GSDMD: variants seen among roughly 807,000 people sequenced by gnomAD.
The protein encoded by GSDMD is gasdermin-D.
GSDMD carries 46 observed loss-of-function variants against 46.7 expected under a neutral mutation model. That is an observed-to-expected ratio of 0.99 (90% CI 0.78 to 1.26). The LOEUF (loss-of-function observed/expected upper bound fraction) is 1.26, where lower values mean the gene tolerates loss of function less well. GSDMD is among the 50% of genes most tolerant of loss of function. The probability of loss-of-function intolerance (pLI) is 0.00; values close to 1 mark genes in which losing one functional copy is unlikely to be tolerated. For missense variants in GSDMD, 649 were observed against 638.8 expected, an observed-to-expected ratio of 1.02 and a Z score of -0.17; for synonymous variants, 307 against 283.1, an observed-to-expected ratio of 1.08 and a Z score of -0.85.
At chr8:143,561,916 C>T in intron 7 of GSDMD, 43 bp from the exon 8 acceptor site, 4 of 1,605,820 alleles carry the variant, frequency 2.5e-6, no homozygotes, top group Non-Finnish European at 3.4e-6. Flanking sequence ...CTTTCCAGGG[C>T]CCTGTAAGCA....
intron 1 of GSDMD, chr8:143,558,799 G>A (rs1001751536): frequency 1.4e-5 from 8 of 588,116 alleles, no homozygotes; most frequent in Non-Finnish European, 1.9e-5. Flanking sequence ...CAGTGGCCCA[G>A]GTGCCCCCTA....
At chr8:143,559,291 C>CCCCCCCCA in intron 1 of GSDMD, 41 bp from the exon 2 acceptor site, 2 of 753,810 alleles carry the variant, frequency 2.7e-6, no homozygotes, top group Non-Finnish European at 2.3e-6. Flanking sequence ...CCCTCCCGCC[C>CCCCCCCCA]GCCCCGAGAG....
chr8:143,557,110 T>G (rs768720354), upstream of GSDMD, among the ~76,000 whole-genome samples: 2 of 152,280 alleles, frequency 1.3e-5, no homozygotes, highest in Non-Finnish European at 2.9e-5. Context: ...TCCGTGTGCC[T>G]GGCTTTTCAC....
chr8:143,561,963 G>C lies in GSDMD; in HGVS notation c.828G>C (p.Gly276=), dbSNP rs747524396. Residue 276 remains glycine, a synonymous_variant, in exon 8 of 11, where the codon GGG becomes GGC. Coordinates refer to ENST00000262580, the MANE Select transcript of GSDMD (RefSeq NM_024736.7). ...CCAGCCCTTCTGTCCCTACAGATGG[G>C]GTCCCTGCGGAGGGGGCGTTCACTG... is the stretch of plus-strand genomic sequence containing the variant. The part of the protein sequence containing the change: ...MRCLHNFLTD[G]VPAEGAFTED... The C allele has an allele frequency of 6.8e-6, 11 of 1,608,640 alleles. No individual in the cohort carries two copies. Among genetic ancestry groups the C allele is most frequent in the African/African-American group, 1.3e-5 (1 of 74,818 alleles).
In GSDMD at chr8:143,562,828, C is replaced by T. The variant is rs754592648; in HGVS notation, c.1379C>T (p.Pro460Leu). The change falls in exon 11 of 11, where the codon CCG (proline) becomes CTG (leucine). Residue 460 changes from proline (P) to leucine (L), a missense_variant. Coordinates refer to ENST00000262580, the MANE Select transcript of GSDMD (RefSeq NM_024736.7). Reference protein sequence around the residue: ...GEDTPHVCWEPQAQGRMCALY... With the variant: ...GEDTPHVCWELQAQGRMCALY... ...GACACTCCCCACGTGTGCTGGGAGC[C>T]GCAGGCCCAGGGCCGCATGTGTGCA... is the stretch of plus-strand genomic sequence containing the variant. 1.6e-5 allele frequency: 26 copies of T among 1,609,856 alleles called. 1 individual carries two copies. In the South Asian group the frequency reaches 1.9e-4, roughly 12 times the overall value.
At chr8:143,557,399 ACGACAGC>A (rs1563902830), upstream of GSDMD, among the ~76,000 whole-genome samples, 14 of 135,884 alleles carry the variant, frequency 1.0e-4, no homozygotes, top group East Asian at 2.1e-4. Flanking sequence ...TGCCGCTGTG[ACGACAGC>A]TGCTGCCGCT....
chr8:143,556,026 A>T (rs1204558581), upstream of GSDMD: 1 of 152,292 alleles, frequency 6.6e-6, no homozygotes, highest in Non-Finnish European at 1.5e-5. Context: ...AGCCTGGCCA[A>T]CATGGTAAAA....
intron 1 of GSDMD, chr8:143,559,003 A>C: frequency 4.8e-6 from 2 of 413,580 alleles, no homozygotes; most frequent in Non-Finnish European, 4.4e-6. Context: ...CACGCTCAGG[A>C]GGTGACAGCT....
chr8:143,556,711 G>A (rs1305213627), upstream of GSDMD, among the ~76,000 whole-genome samples: 2 of 152,252 alleles, frequency 1.3e-5, no homozygotes, highest in African/African-American at 2.4e-5. Flanking sequence ...CCGGGTGGGA[G>A]GACTACCGTG....
upstream of GSDMD, among the ~76,000 whole-genome samples, chr8:143,557,319 AGGATGCTGCCGCTATGGTGAAG>A (rs1341137907): frequency 5.6e-3 from 210 of 37,748 alleles, 1 homozygote; most frequent in African/African-American, 0.019. Flanking sequence ...GCTATGGCGA[AGGATGCTGCCGCTATGGTGAAG>A]GATGCTGCCG....
chr8:143,559,280 T>TAACCAC, intron 1 of GSDMD, 52 bp from the exon 2 acceptor site: 1 of 579,430 alleles, frequency 1.7e-6, no homozygotes, highest in Admixed American at 2.7e-5. Context: ...CTTCTCCCAC[T>TAACCAC]CCCTCCCGCC....
In GSDMD at chr8:143,558,367, G is replaced by A. The variant is rs1396317648; in HGVS notation, c.-89G>A. The stretch of plus-strand genomic sequence containing the variant: ...GGTTGCAGTTTCACTTTTAGCTCTG[G>A]GCACCTCCAGCTCCTGCTCGCCGGA... On this transcript the variant is annotated 5_prime_UTR_variant, in exon 1 of 11. Coordinates refer to ENST00000262580, the MANE Select transcript of GSDMD (RefSeq NM_024736.7). The A allele has an allele frequency of 9.8e-6, 15 of 1,522,934 alleles. No homozygotes were observed. The highest frequency in any genetic ancestry group is 6.0e-5 in the South Asian group (5 of 83,372). The allele number at this position is 1,522,934 out of a possible 1,614,324, so 94.3% of individuals were successfully genotyped here.
Position 143,558,490 on chromosome 8 carries a change from G to T in GSDMD, c.-5+39G>T, listed in dbSNP as rs954368064. 3 of 1,431,410 alleles carry T rather than the reference G, an allele frequency of 2.1e-6. No individual in the cohort carries two copies. The Admixed American group carries it at 8.5e-5, about 41-fold the overall frequency. The allele number at this position is 1,431,410 out of a possible 1,614,324, so 88.7% of individuals were successfully genotyped here. A position where few individuals can be genotyped will look rare whatever the true frequency, so the allele number is the denominator to read the frequency against. On this transcript the variant is annotated intron_variant, in intron 1 of 10. Coordinates refer to ENST00000262580, the MANE Select transcript of GSDMD (RefSeq NM_024736.7). ...CGCCCCCTCCCCCGGCCTGGCTGGA[G>T]CTCCCGAGTGGGGCCGGCCGCTGGC...
At chr8:143,554,486 G>A (rs1342942295), upstream of GSDMD, among the ~76,000 whole-genome samples, 4 of 149,794 alleles carry the variant, frequency 2.7e-5, no homozygotes, top group Admixed American at 2.7e-4. Context: ...CAACACGCAC[G>A]TGCATACACA....
rs768126145 is a variant in GSDMD, at chr8:143,561,837, C to T, written c.823+9C>T. ...CCACAACTTCCTGACAGGTCAGTGC[C>T]CTCCTGACCGCCCCGGGGACCTTTG... is the stretch of plus-strand genomic sequence containing the variant. On this transcript the variant is annotated intron_variant, in intron 7 of 10. Coordinates refer to ENST00000262580, the MANE Select transcript of GSDMD (RefSeq NM_024736.7). 17 of 1,609,824 alleles carry T rather than the reference C, an allele frequency of 1.1e-5. No individual in the cohort carries two copies. The highest frequency in any genetic ancestry group is 1.4e-5 in the Non-Finnish European group (17 of 1,177,844).
At chr8:143,562,186 A>G (rs1340492147) in intron 8 of GSDMD, 23 bp from the exon 9 acceptor site, 7 of 1,590,990 alleles carry the variant, frequency 4.4e-6, no homozygotes, top group Admixed American at 3.4e-5. Context: ...AGCCAGACTC[A>G]CCTGCCCTTC....
intron 1 of GSDMD, chr8:143,558,967 C>T (rs1823381210): frequency 1.8e-6 from 1 of 567,054 alleles, no homozygotes; most frequent in Non-Finnish European, 3.3e-6. Context: ...GACACTCTGG[C>T]TGGGTTTTGC....
intron 6 of GSDMD, 154 bp from the exon 7 acceptor site, chr8:143,561,588 C>T (rs1231656720): frequency 1.1e-6 from 1 of 891,930 alleles, no homozygotes; most frequent in Non-Finnish European, 1.7e-6. Flanking sequence ...GGACAGCTGA[C>T]CCTGGGCCTC....
At chr8:143,554,678 G>A (rs1029282164), upstream of GSDMD, among the ~76,000 whole-genome samples, 2 of 135,188 alleles carry the variant, frequency 1.5e-5, no homozygotes, top group South Asian at 4.8e-4. Flanking sequence ...GCACAAACAC[G>A]CTCAACACGC....
Sources: allele counts gnomAD v4.1 joint callset (sites outside exome capture counted in the v4.1 genomes callset), GRCh38; gene constraint gnomAD v4.1.1; transcripts MANE v1.5; gene names NCBI Gene and HGNC (gene_info 2026-07-23, HGNC 2026-07-21).